RBFOX1: variants seen among roughly 807,000 people sequenced by gnomAD.
The protein encoded by RBFOX1 is RNA binding protein fox-1 homolog 1.
A neutral mutation model predicts 57.7 loss-of-function variants in RBFOX1; 8 were observed. The ratio of observed to expected loss-of-function variants is 0.14; its 90% CI spans 0.08 to 0.25. RBFOX1 has a LOEUF of 0.25. RBFOX1 is among the 10% of genes least tolerant of loss of function. The pLI is 1.00. For missense variants in RBFOX1, 611 were observed against 548.5 expected (o/e 1.11, Z -1.14); for synonymous variants, 326 against 222.4 (o/e 1.47, Z -4.15).
At position 7,073,221 on chromosome 16, in the gene RBFOX1, A is replaced by G. The variant is rs528305185; in HGVS notation, c.27+21123A>G. Among the ~76,000 whole-genome samples the G allele has an allele frequency of 2.0e-5, 3 of 152,320 alleles. No individual in the cohort carries two copies. In the East Asian group the frequency reaches 5.8e-4, roughly 29 times the overall value. ...GATCAACTAAAATGGGTTTTAGATG[A>G]TTAAAACTTAATAATATGTGACTGA... On this transcript the variant is annotated intron_variant, in intron 4 of 15. Transcript: ENST00000550418.
chr16:6,926,130 A>T (rs2153463199), intron 3 of RBFOX1, among the ~76,000 whole-genome samples: 1 of 151,908 alleles, frequency 6.6e-6, no homozygotes. Context: ...ACATGATGAA[A>T]CCCTGTCTCT....
At chr16:5,522,588 C>T (rs923783895) in intron 2 of RBFOX1, among the ~76,000 whole-genome samples, 3 of 152,160 alleles carry the variant, frequency 2.0e-5, no homozygotes, top group African/African-American at 7.2e-5. Context: ...ATATACAGTA[C>T]ATTCTTAACT....
At chr16:7,651,029 A>G (rs888027510) in intron 11 of RBFOX1, among the ~76,000 whole-genome samples, 1 of 152,290 alleles carries the variant, frequency 6.6e-6, no homozygotes, top group African/African-American at 2.4e-5. Flanking sequence ...GCTGGCAAAA[A>G]AAGTTAAATA....
chr16:6,520,789 CTTAA>C (rs1003043875), intron 2 of RBFOX1, among the ~76,000 whole-genome samples: 60 of 152,210 alleles, frequency 3.9e-4, no homozygotes, highest in African/African-American at 1.4e-3. Flanking sequence ...AAGCCATCTG[CTTAA>C]TTAACCCCAC....
intron 1 of RBFOX1, among the ~76,000 whole-genome samples, chr16:6,189,810 T>A (rs2097130692): frequency 6.6e-6 from 1 of 152,252 alleles, no homozygotes; most frequent in African/African-American, 2.4e-5. Flanking sequence ...TTCTGTGGTT[T>A]GTCTTTTCAC....
At chr16:6,875,225 C>T (rs911719556) in intron 3 of RBFOX1, among the ~76,000 whole-genome samples, 5 of 152,170 alleles carry the variant, frequency 3.3e-5, no homozygotes, top group African/African-American at 9.7e-5. Flanking sequence ...ATGATATTAT[C>T]ACTATTGTAA....
chr16:5,711,208 T>C (rs1040341353), intron 3 of RBFOX1, among the ~76,000 whole-genome samples: 5 of 152,244 alleles, frequency 3.3e-5, no homozygotes, highest in Non-Finnish European at 7.3e-5. Context: ...TGATTCTAAA[T>C]GCTTTCTAAT....
At chr16:7,286,337 C>T (rs953565149) in intron 4 of RBFOX1, among the ~76,000 whole-genome samples, 1 of 152,058 alleles carries the variant, frequency 6.6e-6, no homozygotes, top group Non-Finnish European at 1.5e-5. Context: ...TTTGCAGGAT[C>T]CCAAGGGTCT....
intron 1 of RBFOX1, among the ~76,000 whole-genome samples, chr16:5,339,322 C>T (rs570288230): frequency 1.3e-5 from 2 of 152,140 alleles, no homozygotes; most frequent in South Asian, 4.1e-4. Context: ...GTTATAGTAA[C>T]ATGCTAATTT....
intron 1 of RBFOX1, among the ~76,000 whole-genome samples, chr16:5,314,702 T>C (rs1282659941): frequency 6.6e-6 from 1 of 152,096 alleles, no homozygotes; most frequent in Non-Finnish European, 1.5e-5. Context: ...GGTCTTGTTA[T>C]GTTGCCTAGG....
intron 4 of RBFOX1, among the ~76,000 whole-genome samples, chr16:7,188,816 A>C (rs879771168): frequency 1.3e-5 from 2 of 152,232 alleles, no homozygotes; most frequent in Non-Finnish European, 2.9e-5. Flanking sequence ...CCAAAGAATG[A>C]CATTGAGTTG....
intron 1 of RBFOX1, among the ~76,000 whole-genome samples, chr16:6,047,922 A>G (rs1472574858): frequency 6.6e-6 from 1 of 152,184 alleles, no homozygotes; most frequent in Non-Finnish European, 1.5e-5. Context: ...GGACTCTAGG[A>G]TTGGAACTCA....
At chr16:7,240,250 A>G (rs1174539275) in intron 4 of RBFOX1, among the ~76,000 whole-genome samples, 5 of 152,096 alleles carry the variant, frequency 3.3e-5, no homozygotes. Flanking sequence ...TACAGGTATG[A>G]GCCGATGCAT....
rs1034581837 is a variant in RBFOX1, at chr16:6,999,677, C to G, written c.-15-52380C>G. On this transcript the variant is annotated intron_variant, in intron 3 of 15. Transcript: ENST00000550418. ...CCCCATCAATATTTTGAAGCAAATC[C>G]AAAATATACTATTATTATTAAATAT... Among the ~76,000 whole-genome samples, 5 of 151,736 alleles carry G rather than the reference C, an allele frequency of 3.3e-5. No homozygotes were observed. In the East Asian group the frequency reaches 9.6e-4, roughly 29 times the overall value.
intron 3 of RBFOX1, among the ~76,000 whole-genome samples, chr16:6,876,581 A>G (rs12926276): frequency 0.27 from 41,188 of 151,996 alleles, 5,882 homozygotes; most frequent in African/African-American, 0.35. Context: ...AGTGTGAGAA[A>G]CCTTGGACTT....
chr16:7,310,738 C>T (rs1452431228), intron 4 of RBFOX1, among the ~76,000 whole-genome samples: 3 of 152,188 alleles, frequency 2.0e-5, no homozygotes, highest in Non-Finnish European at 4.4e-5. Flanking sequence ...TGTGATCACA[C>T]TTTCCCAGCA....
chr16:7,711,640 A>C lies in RBFOX1; in HGVS notation c.*895A>C, dbSNP rs1003116100. On this transcript the variant is annotated 3_prime_UTR_variant, in exon 16 of 16. Transcript: ENST00000550418. ...AAAAAAAGAAAGTAATAAAAACTTA[A>C]ATTCTTTGTACCAGTTAAAAAAAAT... 1.3e-5 allele frequency: 2 copies of C among 152,510 alleles called. No individual in the cohort carries two copies. The highest frequency in any genetic ancestry group is 2.9e-5 in the Non-Finnish European group (2 of 68,000). The allele number at this position is 152,510 out of a possible 1,614,324, so 9.4% of individuals were successfully genotyped here. A position where few individuals can be genotyped will look rare whatever the true frequency, so the allele number is the denominator to read the frequency against.
intron 3 of RBFOX1, among the ~76,000 whole-genome samples, chr16:7,015,132 T>C (rs1447276146): frequency 6.6e-6 from 1 of 152,210 alleles, no homozygotes; most frequent in Non-Finnish European, 1.5e-5. Flanking sequence ...GGTCAGTTCA[T>C]GTTCTCTTTT....
At chr16:5,304,465 A>G (rs553407306) in intron 1 of RBFOX1, among the ~76,000 whole-genome samples, 1 of 152,296 alleles carries the variant, frequency 6.6e-6, no homozygotes, top group Non-Finnish European at 1.5e-5. Context: ...TGTGCACTTT[A>G]GGGGAGTTGA....
Sources: allele counts gnomAD v4.1 joint callset (sites outside exome capture counted in the v4.1 genomes callset), GRCh38; gene constraint gnomAD v4.1.1; transcripts MANE v1.5; gene names NCBI Gene and HGNC (gene_info 2026-07-23, HGNC 2026-07-21).